FAM107B: variants seen among roughly 807,000 people sequenced by gnomAD.
FAM107B encodes family with sequence similarity 107 member B.
Under a neutral mutation model 31.5 loss-of-function variants are expected in FAM107B, and 21 were observed. The observed-to-expected ratio is 0.67, with a 90% confidence interval of 0.47 to 0.96. The LOEUF is 0.96. Among genes scored for constraint, FAM107B ranks in the 40% least tolerant of loss-of-function variants. The pLI, the probability that FAM107B is intolerant of heterozygous loss-of-function variation, is 0.00. For missense variants in FAM107B, 452 were observed against 377.1 expected (o/e 1.20, Z -1.64); for synonymous variants, 157 against 141.5 (o/e 1.11, Z -0.78).
At chr10:14,668,003 C>A (rs187508295) in intron 1 of FAM107B, among the ~76,000 whole-genome samples, 1 of 152,000 alleles carries the variant, frequency 6.6e-6, no homozygotes, top group Admixed American at 6.6e-5. Flanking sequence ...TGAAGGCACC[C>A]GTGACTTAGA....
intron 1 of FAM107B, among the ~76,000 whole-genome samples, chr10:14,693,610 C>T (rs1484231745): frequency 6.6e-6 from 1 of 152,042 alleles, no homozygotes; most frequent in Non-Finnish European, 1.5e-5. Flanking sequence ...GTGGCAAGAG[C>T]GGCTAAAATC....
At chr10:14,771,845 T>G (rs1833310364) in intron 1 of FAM107B, among the ~76,000 whole-genome samples, 1 of 152,092 alleles carries the variant, frequency 6.6e-6, no homozygotes, top group South Asian at 2.1e-4. Context: ...TGTGATTGAG[T>G]ATCAAGCGAG....
chr10:14,772,362 A>AAATAT (rs10651238), intron 1 of FAM107B, among the ~76,000 whole-genome samples: 31 of 145,638 alleles, frequency 2.1e-4, no homozygotes, highest in Middle Eastern at 3.5e-3. Context: ...TTAAAAAAAA[A>AAATAT]ATATATATAT....
At chr10:14,661,495 G>A (rs759415910) in intron 2 of FAM107B, 1 of 152,262 alleles carries the variant, frequency 6.6e-6, no homozygotes, top group African/African-American at 2.4e-5. Flanking sequence ...GACTGATTGA[G>A]CTGGGACATC....
At chr10:14,729,365 G>T (rs767872030) in intron 1 of FAM107B, among the ~76,000 whole-genome samples, 42 of 152,262 alleles carry the variant, frequency 2.8e-4, no homozygotes, top group Non-Finnish European at 5.6e-4. Flanking sequence ...TATGTAAGCT[G>T]CCCAAGGTCA....
chr10:14,525,229 G>A (rs1055961969), intron 3 of FAM107B, among the ~76,000 whole-genome samples: 1 of 152,018 alleles, frequency 6.6e-6, no homozygotes, highest in Admixed American at 6.6e-5. Flanking sequence ...AAGAATAGTT[G>A]GTTCTCTTTA....
At chr10:14,719,405 T>C (rs1855859263) in intron 1 of FAM107B, among the ~76,000 whole-genome samples, 1 of 152,224 alleles carries the variant, frequency 6.6e-6, no homozygotes, top group Non-Finnish European at 1.5e-5. Flanking sequence ...TACTTTGCCT[T>C]TAATGATTTT....
intron 2 of FAM107B, among the ~76,000 whole-genome samples, chr10:14,593,050 G>T (rs907068579): frequency 6.6e-6 from 1 of 152,210 alleles, no homozygotes; most frequent in Non-Finnish European, 1.5e-5. Context: ...ACCATTCAGC[G>T]GGTTAATATT....
chr10:14,724,851 C>T (rs1468397416), intron 1 of FAM107B, among the ~76,000 whole-genome samples: 3 of 152,214 alleles, frequency 2.0e-5, no homozygotes, highest in Non-Finnish European at 4.4e-5. Flanking sequence ...ACTCCAGTGT[C>T]TTCTCTTCCA....
chr10:14,519,186 T>C lies in FAM107B; in HGVS notation c.*2004A>G, dbSNP rs1845403668. On this transcript the variant is annotated 3_prime_UTR_variant, in exon 5 of 5. Coordinates refer to ENST00000181796, the MANE Select transcript of FAM107B (RefSeq NM_031453.4). The stretch of plus-strand genomic sequence containing the variant: ...TTTTTTTTTTCAGTGAAGAATGAAT[T>C]CTAGTTAAGCTCTAGGAACAGAAAT... 3 of 152,142 alleles carry C rather than the reference T, an allele frequency of 2.0e-5. No individual in the cohort carries two copies. The South Asian group carries it at 6.2e-4, about 31-fold the overall frequency. The allele number at this position is 152,142 out of a possible 1,614,324, so 9.4% of individuals were successfully genotyped here.
intron 2 of FAM107B, among the ~76,000 whole-genome samples, chr10:14,537,537 G>C (rs1847745700): frequency 6.6e-6 from 1 of 152,158 alleles, no homozygotes; most frequent in African/African-American, 2.4e-5. Flanking sequence ...TTGCTATGAA[G>C]AGTAAATAAG....
chr10:14,535,108 T>C (rs559257228), intron 2 of FAM107B, among the ~76,000 whole-genome samples: 18 of 152,332 alleles, frequency 1.2e-4, no homozygotes, highest in African/African-American at 4.3e-4. Flanking sequence ...TGAAACATCA[T>C]TTCTAGAAAT....
chr10:14,605,958 G>A (rs1350714279), intron 2 of FAM107B, among the ~76,000 whole-genome samples: 2 of 152,150 alleles, frequency 1.3e-5, no homozygotes, highest in South Asian at 2.1e-4. Flanking sequence ...GGTGGCAGGG[G>A]TTTCCTAACT....
intron 1 of FAM107B, among the ~76,000 whole-genome samples, chr10:14,675,295 T>C (rs772170176): frequency 6.6e-6 from 1 of 152,162 alleles, no homozygotes; most frequent in Non-Finnish European, 1.5e-5. Context: ...TGGGCCCAAG[T>C]GTGCCCCAGT....
At chr10:14,581,796 G>A (rs955558645) in intron 2 of FAM107B, among the ~76,000 whole-genome samples, 2 of 150,718 alleles carry the variant, frequency 1.3e-5, no homozygotes, top group African/African-American at 2.5e-5. Flanking sequence ...CCAGCTACTC[G>A]GGAGGCTGGG....
In FAM107B at chr10:14,525,600, C is replaced by G. The variant is rs564024019; in HGVS notation, c.654-3581G>C. On this transcript the variant is annotated intron_variant, in intron 3 of 4. Transcript: ENST00000181796. Reference sequence around the variant, plus strand: ...TTCCTGCATCCAGAGATAACTCTTACCAACAGTTGGGTCTATGTTCCTCCA... The same window carrying G: ...TTCCTGCATCCAGAGATAACTCTTAGCAACAGTTGGGTCTATGTTCCTCCA... 7.2e-4 allele frequency among the ~76,000 whole-genome samples: 109 copies of G among 152,280 alleles called. 1 individual carries two copies. Among genetic ancestry groups the G allele is most frequent in the Non-Finnish European group, 1.3e-3 (91 of 68,014 alleles).
intron 2 of FAM107B, among the ~76,000 whole-genome samples, chr10:14,565,748 AAAGGGGTGGGGAGAGG>A (rs907217416): frequency 2.0e-5 from 3 of 152,100 alleles, no homozygotes; most frequent in Non-Finnish European, 4.4e-5. Context: ...ACCCAAATAC[AAAGGGGTGGGGAGAGG>A]AAGGGGAGGC....
At chr10:14,591,089 A>T (rs1285892126) in intron 2 of FAM107B, among the ~76,000 whole-genome samples, 8 of 152,082 alleles carry the variant, frequency 5.3e-5, no homozygotes, top group African/African-American at 1.9e-4. Flanking sequence ...GTTATCTTAA[A>T]CTCATCAATG....
rs887841927 is a variant in FAM107B, at chr10:14,632,117, G to T, written c.469+35517C>A. The stretch of plus-strand genomic sequence containing the variant: ...TTCAAGACCAGCCTGGCCAACATTG[G>T]TGAAACCCCATCTCTACTAAAACTA... On this transcript the variant is annotated intron_variant, in intron 2 of 4. Transcript: ENST00000181796. Among the ~76,000 whole-genome samples, 3 of 151,720 alleles carry T rather than the reference G, an allele frequency of 2.0e-5. No homozygotes were observed. In the East Asian group the frequency reaches 5.8e-4, roughly 29 times the overall value.
Sources: gnomAD v4.1 joint callset for allele counts (sites outside exome capture counted in the v4.1 genomes callset) on GRCh38, gnomAD v4.1.1 for gene constraint, MANE v1.5 for transcripts, NCBI Gene and HGNC (gene_info 2026-07-23, HGNC 2026-07-21) for gene names.